Variants in PCMTD1 observed in about 807,000 individuals in gnomAD.
PCMTD1 encodes the protein protein-L-isoaspartate O-methyltransferase domain-containing protein 1.
A neutral mutation model predicts 37.6 loss-of-function variants in PCMTD1; 12 were observed. The ratio of observed to expected loss-of-function variants is 0.32; its 90% CI spans 0.20 to 0.52. The LOEUF (loss-of-function observed/expected upper bound fraction) is 0.52, where lower values mean the gene tolerates loss of function less well. PCMTD1 is among the 20% of genes least tolerant of loss of function. The probability of loss-of-function intolerance (pLI) is 0.97; values close to 1 mark genes in which losing one functional copy is unlikely to be tolerated. For missense variants in PCMTD1, 235 were observed against 421.3 expected (o/e 0.56, Z 3.87); for synonymous variants, 117 against 135.8 (o/e 0.86, Z 0.96).
chr8:51,833,157 C>G (rs1196597504), intron 4 of PCMTD1, among the ~76,000 whole-genome samples: 2 of 152,096 alleles, frequency 1.3e-5, no homozygotes, highest in Non-Finnish European at 2.9e-5. Flanking sequence ...GATTTCCTTT[C>G]AGTATGTCCA....
At chr8:51,893,361 C>A (rs973069608) in intron 1 of PCMTD1, among the ~76,000 whole-genome samples, 5 of 152,066 alleles carry the variant, frequency 3.3e-5, no homozygotes, top group African/African-American at 1.2e-4. Flanking sequence ...TTTAAAAAGT[C>A]TGAAATTTCA....
intron 1 of PCMTD1, among the ~76,000 whole-genome samples, chr8:51,890,061 A>G (rs998039800): frequency 1.3e-5 from 2 of 151,956 alleles, no homozygotes; most frequent in African/African-American, 4.8e-5. Flanking sequence ...TAATTAAACT[A>G]CTTTAAGTCC....
intron 1 of PCMTD1, among the ~76,000 whole-genome samples, chr8:51,890,251 T>C (rs565589004): frequency 6.6e-6 from 1 of 152,104 alleles, no homozygotes; most frequent in African/African-American, 2.4e-5. Flanking sequence ...TTAAAAACGG[T>C]TTAGATGTAT....
In PCMTD1 at chr8:51,845,714, T is replaced by C. The variant is rs1447787150; in HGVS notation, c.357A>G (p.Glu119=). ...AGCTCTCCAGTTTTTCCTTGGCATA[T>C]TCCACCACATCTGAATGAAGCTCAA... ...HGIELHSDVV[E]YAKEKLESFI... is the part of the protein sequence containing the mutation. Residue 119 remains glutamate (E), a synonymous_variant, in exon 3 of 6, where the codon GAA becomes GAG. Transcript: ENST00000522514. The C allele has an allele frequency of 3.1e-6, 5 of 1,613,140 alleles. No homozygotes were observed. The highest frequency in any genetic ancestry group is 4.2e-6 in the Non-Finnish European group (5 of 1,179,666).
chr8:51,861,394 ATTATT>A lies in PCMTD1; in HGVS notation c.-95-153_-95-149del, dbSNP rs1216162401. 86 of 542,592 alleles carry A rather than the reference ATTATT, an allele frequency of 1.6e-4. 1 individual carries two copies. In the South Asian group the frequency reaches 2.4e-3, roughly 15 times the overall value. 33.6% of individuals were successfully genotyped at this position (542,592 alleles called of 1,614,324 possible). A position where few individuals can be genotyped will look rare whatever the true frequency, so the allele number is the denominator to read the frequency against. ...TAGTGTTAAACTCCTTCTTAACTATATTATTTTATTTAATTCATATAGTAACCACA... is the reference window on the plus strand; with the variant it reads ...TAGTGTTAAACTCCTTCTTAACTATATTATTTAATTCATATAGTAACCACA... On this transcript the variant is annotated intron_variant, in intron 1 of 5. Coordinates refer to ENST00000522514, the MANE Select transcript of PCMTD1 (RefSeq NM_052937.4).
At chr8:51,845,517 C>A in intron 3 of PCMTD1, 144 bp downstream of exon 3, 1 of 544,526 alleles carries the variant, frequency 1.8e-6, no homozygotes, top group Non-Finnish European at 3.3e-6. Context: ...ACAGAATAAT[C>A]TTAACTTTTT....
chr8:51,854,488 T>C (rs539953757), intron 2 of PCMTD1, among the ~76,000 whole-genome samples: 2 of 152,228 alleles, frequency 1.3e-5, no homozygotes, highest in South Asian at 4.1e-4. Context: ...GTTCAAATAG[T>C]TAAGAGTTTC....
chr8:51,834,909 G>T (rs1484796564), intron 3 of PCMTD1, among the ~76,000 whole-genome samples: 1 of 152,036 alleles, frequency 6.6e-6, no homozygotes, highest in East Asian at 1.9e-4. Context: ...TTGTCTTCAT[G>T]CCCCCACGCT....
At chr8:51,892,163 C>A (rs2038945217) in intron 1 of PCMTD1, among the ~76,000 whole-genome samples, 1 of 152,174 alleles carries the variant, frequency 6.6e-6, no homozygotes, top group Non-Finnish European at 1.5e-5. Flanking sequence ...TAACCACATA[C>A]AATATTGTAA....
At chr8:51,884,150 C>T (rs2038831734) in intron 1 of PCMTD1, among the ~76,000 whole-genome samples, 1 of 152,112 alleles carries the variant, frequency 6.6e-6, no homozygotes, top group African/African-American at 2.4e-5. Context: ...CATTACCTAT[C>T]AGTTGAGATT....
rs190184528 is a variant in PCMTD1, at chr8:51,868,715, C to T, written c.-95-7469G>A. ...ACATAAATAATAACTTAAACCACAC[C>T]AAAGAGTTTCACAGATACAGCTCTT... On this transcript the variant is annotated intron_variant, in intron 1 of 5. Transcript: ENST00000522514. Among the ~76,000 whole-genome samples the T allele has an allele frequency of 4.0e-4, 61 of 152,058 alleles. No homozygotes were observed. The East Asian group carries it at 9.3e-3, about 23-fold the overall frequency.
At chr8:51,823,450 G>A (rs1029379244) in intron 5 of PCMTD1, among the ~76,000 whole-genome samples, 4 of 152,198 alleles carry the variant, frequency 2.6e-5, no homozygotes, top group Non-Finnish European at 5.9e-5. Flanking sequence ...GGGCAATAGA[G>A]TGAGACCCTG....
Position 51,818,018 on chromosome 8 carries a change from T to A in PCMTD1, c.*2333A>T. Reference sequence around the variant, plus strand: ...TATTCCCCATCATTTTCACTTACTTTTACTTAATCTTTATTTGCTACTTTT... The same window carrying A: ...TATTCCCCATCATTTTCACTTACTTATACTTAATCTTTATTTGCTACTTTT... On this transcript the variant is annotated 3_prime_UTR_variant, in exon 6 of 6. Coordinates refer to ENST00000522514, the MANE Select transcript of PCMTD1 (RefSeq NM_052937.4). 1 of 446,650 alleles carries A rather than the reference T, an allele frequency of 2.2e-6. No individual in the cohort carries two copies. The highest frequency in any genetic ancestry group is 1.6e-5 in the South Asian group (1 of 62,830). The allele number at this position is 446,650 out of a possible 1,614,324, so 27.7% of individuals were successfully genotyped here. A position where few individuals can be genotyped will look rare whatever the true frequency, so the allele number is the denominator to read the frequency against.
At chr8:51,852,447 T>C (rs1422778523) in intron 2 of PCMTD1, among the ~76,000 whole-genome samples, 2 of 152,206 alleles carry the variant, frequency 1.3e-5, no homozygotes, top group South Asian at 2.1e-4. Flanking sequence ...TGTTATTAAG[T>C]ACATTCCATT....
At chr8:51,841,808 T>C (rs2038150355) in intron 3 of PCMTD1, among the ~76,000 whole-genome samples, 1 of 152,184 alleles carries the variant, frequency 6.6e-6, no homozygotes, top group African/African-American at 2.4e-5. Flanking sequence ...TAGGAGAGAA[T>C]GTATAAAAGT....
chr8:51,892,246 A>G (rs1303440525), intron 1 of PCMTD1, among the ~76,000 whole-genome samples: 2 of 152,230 alleles, frequency 1.3e-5, no homozygotes, highest in Non-Finnish European at 2.9e-5. Flanking sequence ...TACGTTAAAT[A>G]TACTAGCATA....
intron 1 of PCMTD1, among the ~76,000 whole-genome samples, chr8:51,869,339 C>G (rs1452240089): frequency 6.6e-6 from 1 of 152,030 alleles, no homozygotes; most frequent in Non-Finnish European, 1.5e-5. Flanking sequence ...GTCAAGAGAC[C>G]AAGGTGTAGC....
chr8:51,855,468 G>C (rs1417052343), intron 2 of PCMTD1, among the ~76,000 whole-genome samples: 6 of 151,200 alleles, frequency 4.0e-5, no homozygotes, highest in African/African-American at 1.5e-4. Flanking sequence ...GGGAGGCACA[G>C]GCTGCAGTGA....
chr8:51,842,583 C>T (rs890504843), intron 3 of PCMTD1, among the ~76,000 whole-genome samples: 2 of 151,946 alleles, frequency 1.3e-5, no homozygotes, highest in East Asian at 3.9e-4. Flanking sequence ...CCTTGGCCTC[C>T]CAAAGTGCTA....
Sources: gnomAD v4.1 joint callset for allele counts (sites outside exome capture counted in the v4.1 genomes callset) on GRCh38, gnomAD v4.1.1 for gene constraint, MANE v1.5 for transcripts, NCBI Gene and HGNC (gene_info 2026-07-23, HGNC 2026-07-21) for gene names.